Variants in MYO5B observed in about 807,000 individuals in gnomAD.
The protein encoded by MYO5B is myosin VB.
A neutral mutation model predicts 229.3 loss-of-function variants in MYO5B; 143 were observed. That is an observed-to-expected ratio of 0.62 (90% CI 0.54 to 0.72). MYO5B has a LOEUF of 0.72. Ranked by LOEUF, MYO5B falls within the 30% of genes least tolerant of loss-of-function variation. MYO5B has a pLI of 0.00. For missense variants in MYO5B, 2,321 were observed against 2,331.0 expected (o/e 1.00, Z 0.09); for synonymous variants, 918 against 885.2 (o/e 1.04, Z -0.66).
At chr18:49,845,877 G>A (rs1000007109) in intron 33 of MYO5B, among the ~76,000 whole-genome samples, 4 of 152,230 alleles carry the variant, frequency 2.6e-5, no homozygotes, top group Non-Finnish European at 5.9e-5. Flanking sequence ...ACCTGAGCAA[G>A]CTGCACAGGT....
chr18:50,132,599 A>G (rs1241461692), intron 1 of MYO5B, among the ~76,000 whole-genome samples: 1 of 152,184 alleles, frequency 6.6e-6, no homozygotes, highest in African/African-American at 2.4e-5. Flanking sequence ...GTGCTCAGTA[A>G]AATGCTTATC....
At chr18:49,965,645 A>C (rs1303580761) in intron 10 of MYO5B, among the ~76,000 whole-genome samples, 1 of 152,170 alleles carries the variant, frequency 6.6e-6, no homozygotes, top group Non-Finnish European at 1.5e-5. Flanking sequence ...TGGCTGAAGA[A>C]ACTGATGGGC....
intron 1 of MYO5B, among the ~76,000 whole-genome samples, chr18:50,102,306 A>G (rs1461759701): frequency 7.2e-5 from 11 of 152,106 alleles, no homozygotes; most frequent in Non-Finnish European, 4.4e-5. Flanking sequence ...CACACCACAT[A>G]CTTATGTAAC....
At chr18:49,839,369 C>G in intron 35 of MYO5B, 75 bp from the exon 36 acceptor site, 1 of 1,557,218 alleles carries the variant, frequency 6.4e-7, no homozygotes, top group South Asian at 1.1e-5. Flanking sequence ...GCTCTGGTAA[C>G]TTTAGTCATC....
At chr18:49,983,168 G>GCTTTATC (rs1237077018) in intron 8 of MYO5B, among the ~76,000 whole-genome samples, 2 of 152,180 alleles carry the variant, frequency 1.3e-5, no homozygotes, top group African/African-American at 4.8e-5. Flanking sequence ...TTATCAAACT[G>GCTTTATC]AAGCTGGGCC....
At chr18:50,191,981 A>C (rs1705492) in intron 1 of MYO5B, among the ~76,000 whole-genome samples, 132,975 of 152,070 alleles carry the variant, frequency 0.87, 58,245 homozygotes, top group Middle Eastern at 0.9. Context: ...TTATGGGGAC[A>C]ATCAGTTTTT....
intron 36 of MYO5B, 83 bp from the exon 37 acceptor site, chr18:49,837,885 G>T (rs780336129): frequency 1.3e-6 from 2 of 1,533,046 alleles, no homozygotes; most frequent in Non-Finnish European, 9.0e-7. Context: ...TTAGTGCTCC[G>T]GGCTTTAGCA....
chr18:50,149,215 C>A (rs1315911647), intron 1 of MYO5B, among the ~76,000 whole-genome samples: 1 of 152,146 alleles, frequency 6.6e-6, no homozygotes, highest in East Asian at 1.9e-4. Context: ...ACATTCCATG[C>A]TCATGGATAG....
chr18:49,947,897 C>T (rs1294006397), intron 14 of MYO5B, among the ~76,000 whole-genome samples: 1 of 152,118 alleles, frequency 6.6e-6, no homozygotes, highest in Admixed American at 6.5e-5. Flanking sequence ...TAAAAAAAGT[C>T]AACGTGCAGG....
chr18:49,957,927 C>T (rs1443006576), intron 12 of MYO5B, among the ~76,000 whole-genome samples: 1 of 152,076 alleles, frequency 6.6e-6, no homozygotes, highest in African/African-American at 2.4e-5. Flanking sequence ...AGAAGCCCAG[C>T]TGGCCCCCCC....
At chr18:49,991,436 A>G (rs2144311329) in intron 6 of MYO5B, among the ~76,000 whole-genome samples, 1 of 152,214 alleles carries the variant, frequency 6.6e-6, no homozygotes, top group African/African-American at 2.4e-5. Context: ...CAGTGATGGG[A>G]GGGTAAAGGG....
chr18:50,056,238 G>A (rs1365240977), intron 1 of MYO5B, among the ~76,000 whole-genome samples: 2 of 152,166 alleles, frequency 1.3e-5, no homozygotes, highest in African/African-American at 2.4e-5. Flanking sequence ...GACTTGCCCA[G>A]CACATTCTCA....
chr18:50,049,571 T>C (rs1264154676), intron 2 of MYO5B, among the ~76,000 whole-genome samples: 1 of 152,156 alleles, frequency 6.6e-6, no homozygotes, highest in African/African-American at 2.4e-5. Context: ...TAAACCTGAG[T>C]TTCCCAGCCT....
chr18:50,061,876 A>T (rs1057107319), intron 1 of MYO5B, among the ~76,000 whole-genome samples: 2 of 152,232 alleles, frequency 1.3e-5, no homozygotes, highest in Non-Finnish European at 2.9e-5. Context: ...TCCTACTAAC[A>T]TAAGTAATCT....
intron 1 of MYO5B, among the ~76,000 whole-genome samples, chr18:50,099,455 A>C (rs1189833696): frequency 6.6e-6 from 1 of 152,170 alleles, no homozygotes; most frequent in Admixed American, 6.5e-5. Context: ...AACAGGAGGA[A>C]CAGAAGTCTA....
At chr18:50,091,104 C>A (rs2031438517) in intron 1 of MYO5B, among the ~76,000 whole-genome samples, 1 of 152,192 alleles carries the variant, frequency 6.6e-6, no homozygotes, top group Admixed American at 6.5e-5. Context: ...CACCTGAAGA[C>A]AGGGAAGGGC....
At chr18:50,057,366 A>T (rs2030575524) in intron 1 of MYO5B, among the ~76,000 whole-genome samples, 1 of 152,212 alleles carries the variant, frequency 6.6e-6, no homozygotes, top group Non-Finnish European at 1.5e-5. Flanking sequence ...CAAAGTCTCC[A>T]CTCCATGTAA....
chr18:50,157,143 T>A (rs574078747), intron 1 of MYO5B, among the ~76,000 whole-genome samples: 1 of 151,488 alleles, frequency 6.6e-6, no homozygotes, highest in African/African-American at 2.4e-5. Flanking sequence ...TCTCGCTCTG[T>A]CGCCCAGGCT....
At position 49,937,328 on chromosome 18, in the gene MYO5B, A is replaced by T; in HGVS notation, c.1822T>A (p.Ser608Thr). ...GAACGGACGCTGATCTTCGAAGATG[A>T]CCCCTTCCCAGGGGTGGTGGCAGGA... ...PVPATTPGKGSSSKISVRSAR... is the reference protein window; with the variant it reads ...PVPATTPGKGTSSKISVRSAR... Residue 608 changes from serine (S) to threonine (T), a missense_variant, in exon 15 of 40, where the codon TCA becomes ACA. Around this residue, in one of 2 missense-constraint regions of MYO5B, gnomAD observed 2,113 missense variants for 2,044.7 expected, o/e 1.03. Coordinates refer to ENST00000285039, the MANE Select transcript of MYO5B (RefSeq NM_001080467.3). 3.1e-6 allele frequency: 5 copies of T among 1,613,984 alleles called. No individual in the cohort carries two copies. Among genetic ancestry groups the T allele is most frequent in the Non-Finnish European group, 3.4e-6 (4 of 1,179,982 alleles).
Sources: allele counts gnomAD v4.1 joint callset (sites outside exome capture counted in the v4.1 genomes callset), GRCh38; gene constraint gnomAD v4.1.1; regional missense constraint gnomAD v4.1.1; transcripts MANE v1.5; gene names NCBI Gene and HGNC (gene_info 2026-07-23, HGNC 2026-07-21).